TMEM178B: variants seen among roughly 807,000 people sequenced by gnomAD.
The protein encoded by TMEM178B is transmembrane protein 178B.
A neutral mutation model predicts 31.0 loss-of-function variants in TMEM178B; 5 were observed. The observed-to-expected ratio is 0.16, with a 90% CI of 0.08 to 0.34. The LOEUF is 0.34. Among genes scored for constraint, TMEM178B ranks in the 10% least tolerant of loss-of-function variants. TMEM178B has a pLI of 1.00. For missense variants in TMEM178B, 275 were observed against 400.3 expected, an observed-to-expected ratio of 0.69 and a Z score of 2.67; for synonymous variants, 164 against 164.0, an observed-to-expected ratio of 1.00 and a Z score of 0.00.
intron 2 of TMEM178B, among the ~76,000 whole-genome samples, chr7:141,404,883 C>T (rs546171551): frequency 3.9e-5 from 6 of 152,296 alleles, no homozygotes; most frequent in African/African-American, 1.2e-4. Context: ...TCTTGTCCAG[C>T]GCTGTATCCA....
intron 1 of TMEM178B, among the ~76,000 whole-genome samples, chr7:141,094,731 A>T (rs562489314): frequency 1.3e-5 from 2 of 152,216 alleles, no homozygotes; most frequent in South Asian, 4.1e-4. Context: ...ATTTAATAGC[A>T]TCACTCTAAT....
chr7:141,154,038 A>T (rs1259047448), intron 1 of TMEM178B, among the ~76,000 whole-genome samples: 1 of 152,172 alleles, frequency 6.6e-6, no homozygotes, highest in Non-Finnish European at 1.5e-5. Flanking sequence ...TCTGTACCTG[A>T]CACTTTCTAG....
At chr7:141,364,962 G>T (rs1586914511) in intron 2 of TMEM178B, among the ~76,000 whole-genome samples, 1 of 152,350 alleles carries the variant, frequency 6.6e-6, no homozygotes, top group East Asian at 1.9e-4. Context: ...ATATTTGAAC[G>T]TAATGCCTCC....
intron 1 of TMEM178B, among the ~76,000 whole-genome samples, chr7:141,168,389 C>T (rs892048752): frequency 6.6e-6 from 1 of 152,156 alleles, no homozygotes; most frequent in African/African-American, 2.4e-5. Flanking sequence ...TGTTCTTGTG[C>T]ACTTGGCATT....
intron 1 of TMEM178B, among the ~76,000 whole-genome samples, chr7:141,202,838 C>T (rs1796899711): frequency 1.3e-5 from 2 of 152,060 alleles, no homozygotes; most frequent in African/African-American, 4.8e-5. Context: ...GTGGAGGTTG[C>T]CAAGGGTGTG....
chr7:141,454,401 C>T (rs985269405), intron 3 of TMEM178B, among the ~76,000 whole-genome samples: 4 of 152,118 alleles, frequency 2.6e-5, no homozygotes, highest in African/African-American at 4.8e-5. Context: ...GGAGAGAAAG[C>T]CAAGCACGTG....
At chr7:141,419,640 C>T (rs961915691) in intron 2 of TMEM178B, among the ~76,000 whole-genome samples, 4 of 152,268 alleles carry the variant, frequency 2.6e-5, no homozygotes, top group Middle Eastern at 3.4e-3. Context: ...CCATGGCCTT[C>T]GGGATGAAAT....
chr7:141,126,895 G>A (rs1415325628), intron 1 of TMEM178B, among the ~76,000 whole-genome samples: 1 of 150,432 alleles, frequency 6.6e-6, no homozygotes, highest in Non-Finnish European at 1.5e-5. Flanking sequence ...GTGTGTGTAT[G>A]TGTGTTGAGG....
intron 3 of TMEM178B, among the ~76,000 whole-genome samples, chr7:141,440,711 G>GATAC (rs1801642296): frequency 6.6e-6 from 1 of 152,162 alleles, no homozygotes; most frequent in Admixed American, 6.5e-5. Context: ...CATCCTGTAA[G>GATAC]ATACAGTGTT....
intron 1 of TMEM178B, among the ~76,000 whole-genome samples, chr7:141,210,121 C>G (rs912551854): frequency 6.6e-6 from 1 of 152,106 alleles, no homozygotes; most frequent in African/African-American, 2.4e-5. Context: ...ACTGCTACCT[C>G]CTTGGGTGAG....
chr7:141,439,334 G>T (rs1198047978), intron 3 of TMEM178B, among the ~76,000 whole-genome samples: 1 of 152,094 alleles, frequency 6.6e-6, no homozygotes, highest in Non-Finnish European at 1.5e-5. Context: ...CACACCTGTG[G>T]TTATGGCAGA....
chr7:141,364,733 A>G (rs1448620857), intron 2 of TMEM178B, among the ~76,000 whole-genome samples: 3 of 150,236 alleles, frequency 2.0e-5, no homozygotes, highest in African/African-American at 7.3e-5. Flanking sequence ...CAGGCCAGGT[A>G]GGTAACCCAA....
rs186003172 is a variant in TMEM178B at position 141,250,354 on chromosome 7, C to T, written c.496+37650C>T. Among the ~76,000 whole-genome samples the T allele has an allele frequency of 5.2e-3, 797 of 152,262 alleles. 9 individuals carry two copies. The highest frequency in any genetic ancestry group is 0.018 in the African/African-American group (759 of 41,550). ...GATGAGAAAATTGAAGTGCAGAGAG[C>T]TTAAGTAACTTGTTCAAAGTCACAC... On this transcript the variant is annotated intron_variant, in intron 2 of 3. Coordinates refer to ENST00000565468, the MANE Select transcript of TMEM178B (RefSeq NM_001195278.2).
chr7:141,410,491 C>T lies in TMEM178B; in HGVS notation c.497-27117C>T, dbSNP rs534158660. Among the ~76,000 whole-genome samples the T allele has an allele frequency of 1.7e-4, 21 of 123,334 alleles. No homozygotes were observed. In the East Asian group the frequency reaches 2.0e-3, roughly 12 times the overall value. The allele number at this position is 123,334 out of a possible 152,430, so 80.9% of individuals were successfully genotyped here. A position where few individuals can be genotyped will look rare whatever the true frequency, so the allele number is the denominator to read the frequency against. The stretch of plus-strand genomic sequence containing the variant: ...TCTGTCTTTCTTTTTTTCTTTCTCT[C>T]CTTCCTTCCTTCCCTCCTTCCTTCC... On this transcript the variant is annotated intron_variant, in intron 2 of 3. Transcript: ENST00000565468.
the TMEM178B span, among the ~76,000 whole-genome samples, chr7:141,508,072 CT>C: frequency 2.0e-5 from 3 of 152,164 alleles, no homozygotes; most frequent in Non-Finnish European, 4.4e-5. Flanking sequence ...TGCAAATTTT[CT>C]GAACTTTAAT....
At chr7:141,369,020 T>C (rs934385343) in intron 2 of TMEM178B, among the ~76,000 whole-genome samples, 1 of 150,408 alleles carries the variant, frequency 6.6e-6, no homozygotes, top group African/African-American at 2.4e-5. Flanking sequence ...AAGAACAAAG[T>C]ATGGGGCTCT....
chr7:141,506,270 C>T, the TMEM178B span, among the ~76,000 whole-genome samples: 3 of 152,232 alleles, frequency 2.0e-5, no homozygotes, highest in Non-Finnish European at 4.4e-5. Flanking sequence ...CCCAGCAATG[C>T]CTGCTGATTT....
At chr7:141,168,908 C>G (rs539072066) in intron 1 of TMEM178B, among the ~76,000 whole-genome samples, 2 of 152,212 alleles carry the variant, frequency 1.3e-5, no homozygotes, top group African/African-American at 2.4e-5. Flanking sequence ...TACAAGCATA[C>G]AATGTGTAAT....
chr7:141,438,543 C>T (rs1801593196), intron 3 of TMEM178B, among the ~76,000 whole-genome samples: 1 of 151,300 alleles, frequency 6.6e-6, no homozygotes. Context: ...TTGTGTGGGG[C>T]TCAGTAGAGG....
Sources: allele counts gnomAD v4.1 joint callset (sites outside exome capture counted in the v4.1 genomes callset), GRCh38; gene constraint gnomAD v4.1.1; transcripts MANE v1.5; gene names NCBI Gene and HGNC (gene_info 2026-07-23, HGNC 2026-07-21).